The following RAB22A variants were observed in gnomAD, a reference collection of about 807,000 sequenced individuals.
RAB22A encodes RAB22A, member RAS oncogene family.
RAB22A carries 13 observed loss-of-function variants against 30.2 expected under a neutral mutation model. The ratio of observed to expected loss-of-function variants is 0.43; its 90% CI spans 0.28 to 0.68. The LOEUF (loss-of-function observed/expected upper bound fraction) is 0.68, where lower values mean the gene tolerates loss of function less well. Ranked by LOEUF, RAB22A falls within the 30% of genes least tolerant of loss-of-function variation. RAB22A has a pLI of 0.18. For missense variants in RAB22A, 177 were observed against 246.8 expected, an observed-to-expected ratio of 0.72 and a Z score of 1.89; for synonymous variants, 89 against 87.2, an observed-to-expected ratio of 1.02 and a Z score of -0.11.
rs1437228848 is a variant in RAB22A, at chr20:58,366,682, A to C, written c.*6979A>C. The C allele has an allele frequency of 6.6e-6, 1 of 152,244 alleles. No homozygotes were observed. Among genetic ancestry groups the C allele is most frequent in the Non-Finnish European group, 1.5e-5 (1 of 68,040 alleles). The allele number at this position is 152,244 out of a possible 1,614,324, so 9.4% of individuals were successfully genotyped here. A position where few individuals can be genotyped will look rare whatever the true frequency, so the allele number is the denominator to read the frequency against. The stretch of plus-strand genomic sequence containing the variant: ...GAAACACAGAGGCCAGTGTTAGGTG[A>C]AGAACTCCGCTGCTTCAGAAAGAGA... On this transcript the variant is annotated 3_prime_UTR_variant, in exon 7 of 7. Coordinates refer to ENST00000244040, the MANE Select transcript of RAB22A (RefSeq NM_020673.3).
intron 3 of RAB22A, chr20:58,345,968 C>T (rs1986938060): frequency 6.6e-6 from 1 of 152,586 alleles, no homozygotes; most frequent in Admixed American, 6.5e-5. Context: ...TTCCTGCCAT[C>T]CCTGCTCTCG....
At chr20:58,347,505 G>T (rs900084699) in intron 3 of RAB22A, among the ~76,000 whole-genome samples, 1 of 152,148 alleles carries the variant, frequency 6.6e-6, no homozygotes, top group African/African-American at 2.4e-5. Flanking sequence ...TCATTTTTAT[G>T]ATAAGACTAT....
chr20:58,334,731 C>A (rs916079632), intron 2 of RAB22A, among the ~76,000 whole-genome samples: 75 of 134,466 alleles, frequency 5.6e-4, no homozygotes, highest in Non-Finnish European at 9.7e-4. Flanking sequence ...CAACTTTGTA[C>A]TTTTTTTTTT....
intron 3 of RAB22A, among the ~76,000 whole-genome samples, chr20:58,350,533 G>T (rs867360689): frequency 1.3e-5 from 2 of 152,150 alleles, no homozygotes; most frequent in East Asian, 1.9e-4. Context: ...AGAAAATCTT[G>T]AATGCACCCA....
At chr20:58,310,300 TAA>T (rs1266383332) in intron 1 of RAB22A, among the ~76,000 whole-genome samples, 1 of 152,148 alleles carries the variant, frequency 6.6e-6, no homozygotes, top group Non-Finnish European at 1.5e-5. Flanking sequence ...GCATCTGGGT[TAA>T]GAGAGGTTCT....
At chr20:58,336,930 T>G (rs1986765967) in intron 2 of RAB22A, among the ~76,000 whole-genome samples, 1 of 152,068 alleles carries the variant, frequency 6.6e-6, no homozygotes, top group Non-Finnish European at 1.5e-5. Context: ...GGCTGCTGCT[T>G]GACATTCATG....
chr20:58,343,837 C>T (rs369542948), intron 3 of RAB22A, 38 bp downstream of exon 3: 548 of 1,503,154 alleles, frequency 3.6e-4, no homozygotes, highest in Non-Finnish European at 4.8e-4. Context: ...TTTCTGAGGC[C>T]CAAATGAAAG....
chr20:58,322,678 G>A lies in RAB22A; in HGVS notation c.116+11556G>A, dbSNP rs557470160. 3.9e-5 allele frequency among the ~76,000 whole-genome samples: 6 copies of A among 152,270 alleles called. No homozygotes were observed. The East Asian group carries it at 1.2e-3, about 29-fold the overall frequency. On this transcript the variant is annotated intron_variant, in intron 2 of 6. Coordinates refer to ENST00000244040, the MANE Select transcript of RAB22A (RefSeq NM_020673.3). ...ATCAGTCTGTGTTCAAATAATAACA[G>A]TTTCACATATAAGAACCTCGCAAGA...
intron 3 of RAB22A, among the ~76,000 whole-genome samples, chr20:58,352,766 G>C (rs1987074253): frequency 6.6e-6 from 1 of 152,198 alleles, no homozygotes; most frequent in African/African-American, 2.4e-5. Context: ...CATGCAAGGA[G>C]ATATCAAAAA....
At chr20:58,341,797 T>G (rs574029025) in intron 2 of RAB22A, among the ~76,000 whole-genome samples, 3 of 152,338 alleles carry the variant, frequency 2.0e-5, no homozygotes, top group Admixed American at 2.0e-4. Context: ...TCATAATTAT[T>G]GTGTATACCT....
intron 2 of RAB22A, among the ~76,000 whole-genome samples, chr20:58,336,978 A>G (rs551400260): frequency 3.5e-4 from 54 of 152,188 alleles, no homozygotes; most frequent in African/African-American, 1.2e-3. Context: ...TCTTCATGGA[A>G]TGGGACCCCC....
chr20:58,359,172 AAAAC>A (rs1987182304), intron 6 of RAB22A, among the ~76,000 whole-genome samples: 1 of 152,200 alleles, frequency 6.6e-6, no homozygotes, highest in South Asian at 2.1e-4. Flanking sequence ...AACTTTTTAA[AAAAC>A]AAATCCTATG....
Position 58,361,621 on chromosome 20 carries a change from A to T in RAB22A, c.*1918A>T, listed in dbSNP as rs549582369. The T allele has an allele frequency of 2.6e-5, 4 of 152,188 alleles. No individual in the cohort carries two copies. Among genetic ancestry groups the T allele is most frequent in the Non-Finnish European group, 4.4e-5 (3 of 68,038 alleles). 9.4% of individuals were successfully genotyped at this position (152,188 alleles called of 1,614,324 possible). A position where few individuals can be genotyped will look rare whatever the true frequency, so the allele number is the denominator to read the frequency against. ...TTGACTTTCTTCTGTATACATCCAG[A>T]TGGATCCCAGGCATCCGGGCACCAC... On this transcript the variant is annotated 3_prime_UTR_variant, in exon 7 of 7. Transcript: ENST00000244040.
chr20:58,340,004 A>G (rs760778969), intron 2 of RAB22A, among the ~76,000 whole-genome samples: 5 of 152,102 alleles, frequency 3.3e-5, no homozygotes, highest in South Asian at 4.1e-4. Context: ...AAAGAATCCA[A>G]TCCTAATGCT....
chr20:58,329,275 G>T (rs748722109), intron 2 of RAB22A, among the ~76,000 whole-genome samples: 16 of 152,010 alleles, frequency 1.1e-4, no homozygotes, highest in Non-Finnish European at 2.1e-4. Flanking sequence ...GGATGGTCTC[G>T]ATCTCCTGAC....
chr20:58,334,696 T>C (rs1390208071), intron 2 of RAB22A, among the ~76,000 whole-genome samples: 5 of 151,680 alleles, frequency 3.3e-5, no homozygotes, highest in Non-Finnish European at 5.9e-5. Context: ...GTGAATATAA[T>C]GTCTGACAAT....
chr20:58,323,493 A>G (rs118128001), intron 2 of RAB22A, among the ~76,000 whole-genome samples: 8,317 of 152,056 alleles, frequency 0.055, 347 homozygotes, highest in Non-Finnish European at 0.086. Context: ...CTCTAGTTCA[A>G]TGTTCAATAG....
chr20:58,345,318 C>A (rs2080153308), intron 3 of RAB22A: 1 of 152,060 alleles, frequency 6.6e-6, no homozygotes, highest in Non-Finnish European at 1.5e-5. Flanking sequence ...AAAAATAACA[C>A]AAAGGTGTTT....
intron 2 of RAB22A, among the ~76,000 whole-genome samples, chr20:58,334,335 C>CAA (rs11477658): frequency 3.0e-5 from 4 of 133,096 alleles, no homozygotes; most frequent in Admixed American, 7.6e-5. Flanking sequence ...AAGTCCATCT[C>CAA]AAAAAAAAAA....
Sources: allele counts gnomAD v4.1 joint callset (sites outside exome capture counted in the v4.1 genomes callset), GRCh38; gene constraint gnomAD v4.1.1; transcripts MANE v1.5; gene names NCBI Gene and HGNC (gene_info 2026-07-23, HGNC 2026-07-21).